FOXN3: variants seen among roughly 807,000 people sequenced by gnomAD.
FOXN3 encodes the protein forkhead box protein N3.
FOXN3 carries 7 observed loss-of-function variants against 38.4 expected under a neutral mutation model. That is an observed-to-expected ratio of 0.18 (90% confidence interval 0.10 to 0.34). The LOEUF (loss-of-function observed/expected upper bound fraction) is 0.34. Ranked by LOEUF, FOXN3 falls within the 10% of genes least tolerant of loss-of-function variation. The pLI, the probability that FOXN3 is intolerant of heterozygous loss-of-function variation, is 1.00. For missense variants in FOXN3, 456 were observed against 613.4 expected, an observed-to-expected ratio of 0.74 and a Z score of 2.71; for synonymous variants, 230 against 242.2, an observed-to-expected ratio of 0.95 and a Z score of 0.47.
chr14:89,340,073 A>G (rs1463951534), intron 3 of FOXN3, among the ~76,000 whole-genome samples: 1 of 152,152 alleles, frequency 6.6e-6, no homozygotes, highest in Non-Finnish European at 1.5e-5. Context: ...ACAGCTGCAA[A>G]GAGAAAGAGA....
intron 1 of FOXN3, among the ~76,000 whole-genome samples, chr14:89,429,831 C>T (rs1892119024): frequency 6.6e-6 from 1 of 152,228 alleles, no homozygotes; most frequent in African/African-American, 2.4e-5. Flanking sequence ...CACTACAACA[C>T]TGATCCCACT....
chr14:89,478,525 T>C (rs1384803829), intron 1 of FOXN3, among the ~76,000 whole-genome samples: 2 of 152,156 alleles, frequency 1.3e-5, no homozygotes, highest in African/African-American at 4.8e-5. Flanking sequence ...TTACTTCCAA[T>C]TATCAGTCAG....
At chr14:89,380,667 C>T (rs12880900) in intron 2 of FOXN3, among the ~76,000 whole-genome samples, 58,368 of 152,094 alleles carry the variant, frequency 0.38, 13,756 homozygotes, top group Admixed American at 0.55. Context: ...AGGCCACGCA[C>T]CAGGGTGCCC....
intron 4 of FOXN3, among the ~76,000 whole-genome samples, chr14:89,249,356 C>T (rs1885387333): frequency 6.6e-6 from 1 of 152,184 alleles, no homozygotes; most frequent in East Asian, 1.9e-4. Context: ...CTCACAGGCA[C>T]TCAGAGCTTC....
intron 2 of FOXN3, among the ~76,000 whole-genome samples, chr14:89,372,431 T>A (rs948483856): frequency 1.3e-5 from 2 of 152,178 alleles, no homozygotes; most frequent in Non-Finnish European, 2.9e-5. Flanking sequence ...ACATAAAAAT[T>A]GCAAATAGGA....
At chr14:89,573,292 A>C (rs1895533404) in intron 1 of FOXN3, among the ~76,000 whole-genome samples, 1 of 152,224 alleles carries the variant, frequency 6.6e-6, no homozygotes, top group African/African-American at 2.4e-5. Context: ...ATATGGTCTG[A>C]ATTGGAAATA....
At chr14:89,493,726 G>A (rs190793297) in intron 1 of FOXN3, among the ~76,000 whole-genome samples, 142 of 152,168 alleles carry the variant, frequency 9.3e-4, no homozygotes, top group Non-Finnish European at 1.6e-3. Context: ...AATTTCTACA[G>A]TGATACATTC....
intron 1 of FOXN3, among the ~76,000 whole-genome samples, chr14:89,518,080 T>A (rs1038043915): frequency 6.6e-6 from 1 of 152,162 alleles, no homozygotes; most frequent in African/African-American, 2.4e-5. Context: ...GCCTTGTGGT[T>A]AAACAACCCT....
chr14:89,485,183 C>T (rs1893422118), intron 1 of FOXN3, among the ~76,000 whole-genome samples: 1 of 149,384 alleles, frequency 6.7e-6, no homozygotes, highest in Non-Finnish European at 1.5e-5. Flanking sequence ...GCAGTGAAAG[C>T]CACCACTGCT....
intron 2 of FOXN3, among the ~76,000 whole-genome samples, chr14:89,360,759 T>TCCACCACCATCA (rs1388687496): frequency 2.6e-5 from 1 of 38,918 alleles, no homozygotes. Context: ...CACCACCACC[T>TCCACCACCATCA]CCACCACTAC....
intron 4 of FOXN3, among the ~76,000 whole-genome samples, chr14:89,190,189 T>C (rs1424800484): frequency 6.6e-6 from 1 of 152,262 alleles, no homozygotes; most frequent in Non-Finnish European, 1.5e-5. Flanking sequence ...GAAACACACC[T>C]ATGCATTCAT....
intron 3 of FOXN3, among the ~76,000 whole-genome samples, chr14:89,284,824 A>G (rs562914855): frequency 8.5e-5 from 13 of 152,140 alleles, no homozygotes; most frequent in Non-Finnish European, 1.8e-4. Context: ...GATCCAGCTG[A>G]TCGTTAAGAG....
chr14:89,273,067 C>T (rs892439557), intron 4 of FOXN3, among the ~76,000 whole-genome samples: 8 of 152,224 alleles, frequency 5.3e-5, no homozygotes, highest in Admixed American at 1.3e-4. Flanking sequence ...TTCTTCATGG[C>T]CACTGTTGTT....
intron 2 of FOXN3, among the ~76,000 whole-genome samples, chr14:89,394,205 C>T (rs1057415538): frequency 2.0e-4 from 30 of 147,650 alleles, no homozygotes; most frequent in Non-Finnish European, 4.2e-4. Flanking sequence ...CAATGGGGAT[C>T]GACGTTCTTT....
chr14:89,214,277 G>T (rs377552267), intron 4 of FOXN3, among the ~76,000 whole-genome samples: 4 of 152,162 alleles, frequency 2.6e-5, no homozygotes, highest in Non-Finnish European at 5.9e-5. Context: ...AGCTCCACCC[G>T]ATGTTGAAAG....
In FOXN3 at chr14:89,472,196, G is replaced by A. The variant is rs1266108898; in HGVS notation, c.-14-59706C>T. 9.2e-5 allele frequency among the ~76,000 whole-genome samples: 14 copies of A among 151,390 alleles called. 1 individual carries two copies. Among genetic ancestry groups the A allele is most frequent in the Admixed American group, 4.6e-4 (7 of 15,222 alleles). On this transcript the variant is annotated intron_variant, in intron 1 of 6. Coordinates refer to the FOXN3 transcript ENST00000345097. The stretch of plus-strand genomic sequence containing the variant: ...CTGGAACCCAGCAGGCGGAGGTTGC[G>A]GTGAGCTGAGATCATGCCACTGCAC...
At chr14:89,229,691 T>C (rs909909924) in intron 4 of FOXN3, among the ~76,000 whole-genome samples, 1 of 152,044 alleles carries the variant, frequency 6.6e-6, no homozygotes, top group Non-Finnish European at 1.5e-5. Context: ...AGGCTTGGAG[T>C]GCAAGTCCGT....
At chr14:89,280,529 A>C (rs540277788) in intron 4 of FOXN3, among the ~76,000 whole-genome samples, 1 of 152,326 alleles carries the variant, frequency 6.6e-6, no homozygotes, top group Admixed American at 6.5e-5. Flanking sequence ...ATGCACCTCC[A>C]TGATGATACA....
At chr14:89,533,252 T>C (rs1194071881) in intron 1 of FOXN3, among the ~76,000 whole-genome samples, 4 of 152,100 alleles carry the variant, frequency 2.6e-5, no homozygotes, top group African/African-American at 9.7e-5. Context: ...CCTTTCACTC[T>C]CCTCCGGCTG....
Sources: allele counts gnomAD v4.1 joint callset (sites outside exome capture counted in the v4.1 genomes callset), GRCh38; gene constraint gnomAD v4.1.1; transcripts MANE v1.5; gene names NCBI Gene and HGNC (gene_info 2026-07-23, HGNC 2026-07-21).